The following RASGEF1A variants were observed in gnomAD, a reference collection of about 807,000 sequenced individuals.
RASGEF1A encodes ras-GEF domain-containing family member 1A.
Under a neutral mutation model 56.4 loss-of-function variants are expected in RASGEF1A, and 18 were observed. The observed-to-expected ratio is 0.32, with a 90% CI of 0.22 to 0.47. RASGEF1A has a LOEUF of 0.47. Among genes scored for constraint, RASGEF1A ranks in the 20% least tolerant of loss-of-function variants. RASGEF1A has a pLI of 1.00. For missense variants in RASGEF1A, 422 were observed against 627.1 expected, an observed-to-expected ratio of 0.67 and a Z score of 3.49; for synonymous variants, 245 against 242.6, an observed-to-expected ratio of 1.01 and a Z score of -0.09.
intron 1 of RASGEF1A, among the ~76,000 whole-genome samples, chr10:43,219,893 T>A (rs1220473408): frequency 6.6e-6 from 1 of 152,232 alleles, no homozygotes; most frequent in African/African-American, 2.4e-5. Context: ...TCACTTGAAT[T>A]GTCCTCCTGG....
chr10:43,258,154 G>A (rs1836456483), intron 1 of RASGEF1A, among the ~76,000 whole-genome samples: 1 of 152,198 alleles, frequency 6.6e-6, no homozygotes, highest in Non-Finnish European at 1.5e-5. Context: ...CTGCCTGCTG[G>A]AGCCCCCAGA....
rs1369883164 is a variant in RASGEF1A at position 43,200,172 on chromosome 10, G to A, written c.756+10C>T. ...GCTGGCAGGGGTGCCACAGGCCTTG[G>A]CCCACTTACCCTGTGGTTGTCCAAG... On this transcript the variant is annotated intron_variant, in intron 6 of 12. Transcript: ENST00000395810. 2 of 1,587,302 alleles carry A rather than the reference G, an allele frequency of 1.3e-6. No homozygotes were observed. Among genetic ancestry groups the A allele is most frequent in the Non-Finnish European group, 1.7e-6 (2 of 1,164,716 alleles).
intron 1 of RASGEF1A, among the ~76,000 whole-genome samples, chr10:43,230,594 G>C (rs780021771): frequency 2.6e-5 from 4 of 152,260 alleles, no homozygotes; most frequent in Non-Finnish European, 5.9e-5. Flanking sequence ...GTTGGCCGGC[G>C]GGGCGGCCGC....
chr10:43,224,081 A>G (rs973124511), intron 1 of RASGEF1A, among the ~76,000 whole-genome samples: 4 of 152,196 alleles, frequency 2.6e-5, no homozygotes, highest in African/African-American at 4.8e-5. Context: ...ACCAATAACC[A>G]TAGTACAAAT....
chr10:43,196,906 A>G lies in RASGEF1A; in HGVS notation c.1348+70T>C. ...GCAGGCCATCTCCCAGGGCAACCCCAAAGAGCACCGGGCCTGGACAAGGAG... is the reference window on the plus strand; with the variant it reads ...GCAGGCCATCTCCCAGGGCAACCCCGAAGAGCACCGGGCCTGGACAAGGAG... On this transcript the variant is annotated intron_variant, in intron 11 of 12. Coordinates refer to ENST00000395810, the MANE Select transcript of RASGEF1A (RefSeq NM_145313.4). This position sits in a 1 kb window ranked among gnomAD's most constrained non-coding sequence, Gnocchi z 4.6. 1 of 1,581,904 alleles carries G rather than the reference A, an allele frequency of 6.3e-7. No individual in the cohort carries two copies. Among genetic ancestry groups the G allele is most frequent in the Non-Finnish European group, 8.6e-7 (1 of 1,164,628 alleles).
intron 1 of RASGEF1A, among the ~76,000 whole-genome samples, chr10:43,257,607 C>T (rs12768239): frequency 0.28 from 43,217 of 152,216 alleles, 6,526 homozygotes; most frequent in Non-Finnish European, 0.33. Flanking sequence ...TCCCCCGGGC[C>T]TCCCCAGGGG....
At chr10:43,223,034 C>T (rs1032102036) in intron 1 of RASGEF1A, among the ~76,000 whole-genome samples, 1 of 151,872 alleles carries the variant, frequency 6.6e-6, no homozygotes, top group Admixed American at 6.6e-5. Context: ...TAGAGGTAAA[C>T]TCCCAAGAAC....
intron 1 of RASGEF1A, among the ~76,000 whole-genome samples, chr10:43,250,861 G>A (rs1840620626): frequency 1.3e-5 from 2 of 152,178 alleles, no homozygotes; most frequent in Admixed American, 6.5e-5. Context: ...GGTGGTCCTG[G>A]GGAACAAGGC....
chr10:43,260,401 C>T (rs1836505972), intron 1 of RASGEF1A, among the ~76,000 whole-genome samples: 1 of 152,212 alleles, frequency 6.6e-6, no homozygotes, highest in African/African-American at 2.4e-5. Context: ...CCGGTTGCCT[C>T]ACATAAGACA....
intron 1 of RASGEF1A, among the ~76,000 whole-genome samples, chr10:43,223,814 C>G (rs2133204257): frequency 6.6e-6 from 1 of 151,472 alleles, no homozygotes; most frequent in East Asian, 1.9e-4. Context: ...GAACCTGTCT[C>G]TATTTCTTTA....
intron 1 of RASGEF1A, among the ~76,000 whole-genome samples, chr10:43,227,694 C>G (rs887973584): frequency 2.0e-5 from 3 of 152,110 alleles, no homozygotes; most frequent in Non-Finnish European, 4.4e-5. Context: ...CAGCCTAGAC[C>G]TCTCCCTGGA....
At chr10:43,261,868 G>GAACTAGCCT (rs1294476966) in intron 1 of RASGEF1A, among the ~76,000 whole-genome samples, 10 of 152,254 alleles carry the variant, frequency 6.6e-5, no homozygotes, top group Non-Finnish European at 1.5e-4. Context: ...GCTGGGCACA[G>GAACTAGCCT]AACTAGCCTA....
intron 1 of RASGEF1A, among the ~76,000 whole-genome samples, chr10:43,263,821 G>A (rs528906249): frequency 3.9e-5 from 6 of 152,264 alleles, no homozygotes; most frequent in Non-Finnish European, 7.4e-5. Context: ...CAGCAGAGCC[G>A]GGACAACCGG....
intron 1 of RASGEF1A, among the ~76,000 whole-genome samples, chr10:43,231,333 C>T (rs1840364395): frequency 6.6e-6 from 1 of 152,218 alleles, no homozygotes; most frequent in African/African-American, 2.4e-5. Context: ...GCCTTCGAGG[C>T]ACCTGCCCCT....
intron 1 of RASGEF1A, among the ~76,000 whole-genome samples, chr10:43,232,439 A>G (rs180729070): frequency 8.5e-4 from 128 of 150,766 alleles, no homozygotes; most frequent in African/African-American, 3.0e-3. Flanking sequence ...TTGCAGAGCC[A>G]TGATCTAATT....
At chr10:43,198,864 G>A (rs1762092194) in intron 9 of RASGEF1A, 69 bp downstream of exon 9, 1 of 1,432,016 alleles carries the variant, frequency 7.0e-7, no homozygotes, top group African/African-American at 1.4e-5. Context: ...CCACTGTCAG[G>A]GCCCCCTTCG....
chr10:43,221,884 C>T (rs1840213093), intron 1 of RASGEF1A, among the ~76,000 whole-genome samples: 1 of 152,258 alleles, frequency 6.6e-6, no homozygotes, highest in Admixed American at 6.5e-5. Context: ...GAGGACAGGG[C>T]ACAGCTGGAA....
chr10:43,246,292 G>C (rs759509599), intron 1 of RASGEF1A, among the ~76,000 whole-genome samples: 4 of 152,158 alleles, frequency 2.6e-5, no homozygotes, highest in Non-Finnish European at 5.9e-5. Context: ...GACATCCCAT[G>C]TTCATGGATT....
chr10:43,213,231 A>T (rs1369647632), intron 1 of RASGEF1A, among the ~76,000 whole-genome samples: 1 of 152,244 alleles, frequency 6.6e-6, no homozygotes, highest in African/African-American at 2.4e-5. Flanking sequence ...GATAGAAGAA[A>T]TGTTTCCGAC....
Sources: allele counts gnomAD v4.1 joint callset (sites outside exome capture counted in the v4.1 genomes callset), GRCh38; gene constraint gnomAD v4.1.1; non-coding constraint Gnocchi (gnomAD v3.1); transcripts MANE v1.5; gene names NCBI Gene and HGNC (gene_info 2026-07-23, HGNC 2026-07-21).